FSTL4: variants seen among roughly 807,000 people sequenced by gnomAD.
FSTL4 encodes follistatin-related protein 4.
Under a neutral mutation model 78.2 loss-of-function variants are expected in FSTL4, and 28 were observed. That is an observed-to-expected ratio of 0.36 (90% CI 0.27 to 0.49). The LOEUF (loss-of-function observed/expected upper bound fraction) is 0.49, where lower values mean the gene tolerates loss of function less well. Ranked by LOEUF, FSTL4 falls within the 20% of genes least tolerant of loss-of-function variation. The pLI is 0.98. For synonymous variants in FSTL4, 422 were observed against 440.5 expected (o/e 0.96, Z 0.53); for missense variants, 922 against 1,084.9 (o/e 0.85, Z 2.11).
At chr5:133,726,834 C>T in the FSTL4 span, among the ~76,000 whole-genome samples, 3 of 152,192 alleles carry the variant, frequency 2.0e-5, no homozygotes, top group Admixed American at 6.5e-5. Context: ...TCTTATGCTC[C>T]CATCCTTTGC....
intron 6 of FSTL4, among the ~76,000 whole-genome samples, chr5:133,259,188 G>A (rs1481809045): frequency 6.8e-6 from 1 of 147,462 alleles, no homozygotes; most frequent in South Asian, 2.3e-4. Context: ...TGTGGGGGGT[G>A]GGTGCTGGTG....
rs561261645 is a variant in FSTL4 at position 133,375,397 on chromosome 5, C to T, written c.409+25341G>A. On this transcript the variant is annotated intron_variant, in intron 4 of 15. Coordinates refer to ENST00000265342, the MANE Select transcript of FSTL4 (RefSeq NM_015082.2). ...TTTTATTTTTCTCTTTTGTGCTTTTCTGTATGTCCTAAATTCTCTGGAAAT... is the reference window on the plus strand; with the variant it reads ...TTTTATTTTTCTCTTTTGTGCTTTTTTGTATGTCCTAAATTCTCTGGAAAT... Among the ~76,000 whole-genome samples the T allele has an allele frequency of 6.0e-5, 9 of 149,014 alleles. No individual in the cohort carries two copies. The South Asian group carries it at 1.7e-3, about 29-fold the overall frequency.
the FSTL4 span, among the ~76,000 whole-genome samples, chr5:133,827,355 T>C: frequency 6.6e-6 from 1 of 152,106 alleles, no homozygotes. Flanking sequence ...GGCGATCAAC[T>C]GAACAAAGTC....
At chr5:133,498,307 A>G (rs78289104) in intron 3 of FSTL4, among the ~76,000 whole-genome samples, 2,066 of 152,358 alleles carry the variant, frequency 0.014, 43 homozygotes, top group Middle Eastern at 0.065. Flanking sequence ...CTCATTATTC[A>G]TGGTCTTGCT....
the FSTL4 span, among the ~76,000 whole-genome samples, chr5:133,623,245 A>C: frequency 6.6e-6 from 1 of 152,122 alleles, no homozygotes; most frequent in South Asian, 2.1e-4. Context: ...CAAAGGGCTC[A>C]CACTTCAACG....
the FSTL4 span, among the ~76,000 whole-genome samples, chr5:133,717,515 A>G: frequency 6.6e-6 from 1 of 152,186 alleles, no homozygotes; most frequent in African/African-American, 2.4e-5. Flanking sequence ...AGTAACCAGC[A>G]ACTGCAATCA....
chr5:133,544,865 C>T (rs1481995803), intron 3 of FSTL4, among the ~76,000 whole-genome samples: 1 of 152,276 alleles, frequency 6.6e-6, no homozygotes, highest in South Asian at 2.1e-4. Flanking sequence ...AGAGATTTTA[C>T]AGGTTGTATA....
intron 4 of FSTL4, among the ~76,000 whole-genome samples, chr5:133,359,035 C>T (rs1167235586): frequency 1.3e-5 from 2 of 152,150 alleles, no homozygotes; most frequent in Non-Finnish European, 2.9e-5. Flanking sequence ...TCTGTATACC[C>T]TAACTTTTGT....
intron 4 of FSTL4, among the ~76,000 whole-genome samples, chr5:133,364,202 T>C (rs1052993768): frequency 6.6e-6 from 1 of 152,102 alleles, no homozygotes; most frequent in African/African-American, 2.4e-5. Context: ...GCAAGGGACA[T>C]GTTCAAAGTG....
the FSTL4 span, among the ~76,000 whole-genome samples, chr5:133,801,338 C>T: frequency 6.6e-6 from 1 of 152,208 alleles, no homozygotes; most frequent in Non-Finnish European, 1.5e-5. Context: ...TTCTTCCCAG[C>T]CTTCTGCACC....
At chr5:133,499,003 A>G (rs1302658507) in intron 3 of FSTL4, among the ~76,000 whole-genome samples, 2 of 151,370 alleles carry the variant, frequency 1.3e-5, no homozygotes, top group Admixed American at 1.3e-4. Context: ...CAAATTACAC[A>G]CACACACACA....
chr5:133,590,965 C>T (rs1473395786), intron 2 of FSTL4, among the ~76,000 whole-genome samples: 7 of 152,246 alleles, frequency 4.6e-5, no homozygotes, highest in East Asian at 1.9e-4. Context: ...GAGCATGGAG[C>T]CTTCGTTACC....
In FSTL4 at chr5:133,249,482, T is replaced by C; in HGVS notation, c.822A>G (p.Gly274=). 1 of 1,613,640 alleles carries C rather than the reference T, an allele frequency of 6.2e-7. No individual in the cohort carries two copies. The highest frequency in any genetic ancestry group is 2.2e-5 in the East Asian group (1 of 44,876). Reference sequence around the variant, plus strand: ...TCCAGATGATTGGTGGCCTCAGGTCTCCATGGACGGCGCAGGTCAGCACTG... The same window carrying C: ...TCCAGATGATTGGTGGCCTCAGGTCCCCATGGACGGCGCAGGTCAGCACTG... The part of the protein sequence containing the change: ...LSTVLTCAVH[G]DLRPPIIWKR... Residue 274 remains glycine, a synonymous_variant, in exon 7 of 16, where the codon GGA becomes GGG. Coordinates refer to ENST00000265342, the MANE Select transcript of FSTL4 (RefSeq NM_015082.2).
rs1406790632 is a variant in FSTL4, at chr5:133,612,338, G to C, written c.-24C>G. On this transcript the variant is annotated 5_prime_UTR_variant, in exon 1 of 16. Transcript: ENST00000265342. The surrounding 1 kb of genome is among the most constrained non-coding windows in gnomAD (Gnocchi z 6.2). Reference sequence around the variant, plus strand: ...GCGCCCGCGTACCTGAGACGGCCGGGGCCGAGGGGAAGACCAGGTGGCCGG... The same window carrying C: ...GCGCCCGCGTACCTGAGACGGCCGGCGCCGAGGGGAAGACCAGGTGGCCGG... 1.3e-5 allele frequency: 2 copies of C among 151,920 alleles called. No homozygotes were observed. Among genetic ancestry groups the C allele is most frequent in the African/African-American group, 2.4e-5 (1 of 41,390 alleles). The allele number at this position is 151,920 out of a possible 1,614,324, so 9.4% of individuals were successfully genotyped here.
intron 3 of FSTL4, among the ~76,000 whole-genome samples, chr5:133,538,196 A>G (rs1460379507): frequency 6.6e-6 from 1 of 151,944 alleles, no homozygotes; most frequent in African/African-American, 2.4e-5. Flanking sequence ...GTCTCATTTT[A>G]TCTGGAACAG....
At chr5:133,565,438 T>C (rs185474830) in intron 3 of FSTL4, among the ~76,000 whole-genome samples, 1 of 152,338 alleles carries the variant, frequency 6.6e-6, no homozygotes, top group East Asian at 1.9e-4. Context: ...AGCACTGGGC[T>C]ATTTCAGGAA....
chr5:133,221,919 T>TTTTTTTTTTTTTTTTTTTG (rs1751144394), intron 11 of FSTL4, among the ~76,000 whole-genome samples: 1 of 133,362 alleles, frequency 7.5e-6, no homozygotes, highest in Non-Finnish European at 1.6e-5. Flanking sequence ...TTTTTTTTTT[T>TTTTTTTTTTTTTTTTTTTG]TTTTTTTTAG....
At chr5:133,331,643 A>T (rs1250059053) in intron 4 of FSTL4, among the ~76,000 whole-genome samples, 1 of 152,200 alleles carries the variant, frequency 6.6e-6, no homozygotes, top group Non-Finnish European at 1.5e-5. Context: ...GAATGACCCA[A>T]ACAGAGGGTT....
chr5:133,357,576 T>A (rs569834790), intron 4 of FSTL4, among the ~76,000 whole-genome samples: 1 of 152,324 alleles, frequency 6.6e-6, no homozygotes, highest in South Asian at 2.1e-4. Context: ...ACATCATCCC[T>A]TGTAAAGCAA....
Sources: allele counts gnomAD v4.1 joint callset (sites outside exome capture counted in the v4.1 genomes callset), GRCh38; gene constraint gnomAD v4.1.1; non-coding constraint Gnocchi (gnomAD v3.1); transcripts MANE v1.5; gene names NCBI Gene and HGNC (gene_info 2026-07-23, HGNC 2026-07-21).